SLC37A3: variants seen among roughly 807,000 people sequenced by gnomAD.
SLC37A3 encodes the protein solute carrier family 37 member 3.
A neutral mutation model predicts 67.1 loss-of-function variants in SLC37A3; 51 were observed. The observed-to-expected ratio is 0.76, with a 90% CI of 0.61 to 0.96. The LOEUF is 0.96. Ranked by LOEUF, SLC37A3 falls within the 40% of genes least tolerant of loss-of-function variation. The probability of loss-of-function intolerance (pLI) is 0.00; values close to 1 mark genes in which losing one functional copy is unlikely to be tolerated. For missense variants in SLC37A3, 508 were observed against 603.0 expected, an observed-to-expected ratio of 0.84 and a Z score of 1.65; for synonymous variants, 214 against 231.4, an observed-to-expected ratio of 0.92 and a Z score of 0.68.
At chr7:140,350,795 G>C (rs1796761970) in intron 9 of SLC37A3, among the ~76,000 whole-genome samples, 1 of 152,110 alleles carries the variant, frequency 6.6e-6, no homozygotes, top group African/African-American at 2.4e-5. Context: ...AAAAATAAAA[G>C]GGGGCAAGGC....
At position 140,395,879 on chromosome 7, in the gene SLC37A3, T is replaced by C. The variant is rs11981320; in HGVS notation, c.-71+2537A>G. Among the ~76,000 whole-genome samples the C allele has an allele frequency of 5.3e-3, 810 of 152,302 alleles. 14 individuals are homozygous for C. The highest frequency in any genetic ancestry group is 0.019 in the African/African-American group (779 of 41,562). ...CCTCCCAGACTTCAGTTTTTATGTC[T>C]GCACAGTAAAAAGATTATGTGTTTT... On this transcript the variant is annotated intron_variant, in intron 1 of 14. Transcript: ENST00000326232.
chr7:140,352,504 G>A (rs1471363632), intron 7 of SLC37A3, among the ~76,000 whole-genome samples: 2 of 152,174 alleles, frequency 1.3e-5, no homozygotes, highest in Admixed American at 1.3e-4. Flanking sequence ...ATTACATACA[G>A]TTGAGGGGAT....
At chr7:140,337,189 G>A in intron 14 of SLC37A3, 95 bp downstream of exon 14, 7 of 808,316 alleles carry the variant, frequency 8.7e-6, no homozygotes, top group Admixed American at 3.6e-5. Context: ...GCCTTTAAAA[G>A]CAATCAACAG....
chr7:140,376,170 T>G (rs546939884), intron 3 of SLC37A3, among the ~76,000 whole-genome samples: 1 of 152,264 alleles, frequency 6.6e-6, no homozygotes, highest in Middle Eastern at 3.4e-3. Context: ...CAGAATTCAG[T>G]TGAAATACAC....
intron 1 of SLC37A3, among the ~76,000 whole-genome samples, chr7:140,389,039 T>C (rs1029644313): frequency 4.6e-5 from 7 of 152,180 alleles, no homozygotes; most frequent in Non-Finnish European, 1.0e-4. Context: ...AGCTTGCTTT[T>C]AACCCTTAAG....
At chr7:140,361,178 C>T (rs183774003) in intron 5 of SLC37A3, among the ~76,000 whole-genome samples, 4 of 133,040 alleles carry the variant, frequency 3.0e-5, no homozygotes, top group Admixed American at 7.6e-5. Context: ...ACAAAAGCAC[C>T]GAGATAGAAA....
intron 1 of SLC37A3, among the ~76,000 whole-genome samples, chr7:140,394,248 A>G (rs1347977805): frequency 1.3e-5 from 2 of 152,086 alleles, no homozygotes; most frequent in African/African-American, 2.4e-5. Flanking sequence ...AGTACTAGGC[A>G]CCATGCTAGG....
chr7:140,337,193 T>C, intron 14 of SLC37A3, 91 bp downstream of exon 14: 1 of 852,624 alleles, frequency 1.2e-6, no homozygotes, highest in Non-Finnish European at 1.7e-6. Flanking sequence ...TTAAAAGCAA[T>C]CAACAGTTTT....
chr7:140,346,751 G>A (rs550253154), intron 10 of SLC37A3, among the ~76,000 whole-genome samples: 6 of 151,698 alleles, frequency 4.0e-5, no homozygotes, highest in East Asian at 3.9e-4. Context: ...TAAATTAGCC[G>A]GGCATGGTAG....
chr7:140,335,483 T>C lies in SLC37A3; in HGVS notation c.1414A>G (p.Ile472Val). 1 of 1,614,044 alleles carries C rather than the reference T, an allele frequency of 6.2e-7. No individual in the cohort carries two copies. Among genetic ancestry groups the C allele is most frequent in the Non-Finnish European group, 8.5e-7 (1 of 1,180,034 alleles). ...ATTTCCCTCACTATTAATGGCGAGATAAACACAATTGTACAACTTGTCTGT... is the reference window on the plus strand; with the variant it reads ...ATTTCCCTCACTATTAATGGCGAGACAAACACAATTGTACAACTTGTCTGT... ...ILMTSCTIVF[I>V]SPLIVREIFS... Residue 472 changes from isoleucine (I) to valine (V), a missense_variant, in exon 15 of 15, where the codon ATC (isoleucine) becomes GTC (valine). Physicochemically the swap from Ile to Val is conservative, Grantham distance 29. Coordinates refer to ENST00000326232, the MANE Select transcript of SLC37A3 (RefSeq NM_207113.3).
chr7:140,370,098 G>A (rs1797761508), intron 3 of SLC37A3, among the ~76,000 whole-genome samples: 3 of 150,738 alleles, frequency 2.0e-5, no homozygotes, highest in South Asian at 4.2e-4. Context: ...CAACAAGAGC[G>A]AAACTCCGTC....
intron 5 of SLC37A3, among the ~76,000 whole-genome samples, chr7:140,364,178 G>T (rs560665601): frequency 1.2e-4 from 18 of 151,880 alleles, no homozygotes; most frequent in Non-Finnish European, 2.5e-4. Flanking sequence ...TTGAACATGG[G>T]AGGCAGAGGT....
intron 5 of SLC37A3, among the ~76,000 whole-genome samples, chr7:140,359,692 C>T (rs1797186903): frequency 6.6e-6 from 1 of 152,162 alleles, no homozygotes; most frequent in Non-Finnish European, 1.5e-5. Context: ...TCTGAGAATA[C>T]TCTGCATGAT....
rs1232727340 is a variant in SLC37A3, at chr7:140,358,864, C to A, written c.376-79G>T. The A allele has an allele frequency of 2.6e-6, 4 of 1,553,382 alleles. No individual in the cohort carries two copies. The African/African-American group carries it at 5.4e-5, about 21-fold the overall frequency. On this transcript the variant is annotated intron_variant, in intron 5 of 14. Coordinates refer to ENST00000326232, the MANE Select transcript of SLC37A3 (RefSeq NM_207113.3). ...TGGACGCCACTCTACCCACTTGCTTCAGAGTAGAGACCACGTGAAGGATAC... is the reference window on the plus strand; with the variant it reads ...TGGACGCCACTCTACCCACTTGCTTAAGAGTAGAGACCACGTGAAGGATAC...
At chr7:140,392,027 C>T (rs1242814053) in intron 1 of SLC37A3, among the ~76,000 whole-genome samples, 1 of 152,186 alleles carries the variant, frequency 6.6e-6, no homozygotes, top group East Asian at 1.9e-4. Flanking sequence ...ACTGCCTACA[C>T]CACCAGCCCA....
chr7:140,352,802 A>G (rs77799134), intron 7 of SLC37A3, among the ~76,000 whole-genome samples: 1,674 of 152,286 alleles, frequency 0.011, 106 homozygotes, highest in Admixed American at 0.097. Context: ...TGGAAAGGTG[A>G]CAGCTAGATT....
intron 1 of SLC37A3, among the ~76,000 whole-genome samples, chr7:140,389,546 T>C (rs923132159): frequency 6.6e-6 from 1 of 152,140 alleles, no homozygotes; most frequent in African/African-American, 2.4e-5. Flanking sequence ...TGAGTAATAA[T>C]AAAACTCCCA....
chr7:140,366,146 T>C (rs942629675), intron 4 of SLC37A3, among the ~76,000 whole-genome samples: 1 of 151,894 alleles, frequency 6.6e-6, no homozygotes, highest in African/African-American at 2.4e-5. Flanking sequence ...TCTTGAAGTA[T>C]TGGCCTCAAG....
At chr7:140,351,685 A>G (rs1796808628) in intron 8 of SLC37A3, 5 of 575,910 alleles carry the variant, frequency 8.7e-6, no homozygotes, top group Non-Finnish European at 3.1e-6. Flanking sequence ...ATTTGTATGT[A>G]ATCTGTATTT....
Sources: allele counts gnomAD v4.1 joint callset (sites outside exome capture counted in the v4.1 genomes callset), GRCh38; gene constraint gnomAD v4.1.1; transcripts MANE v1.5; gene names NCBI Gene and HGNC (gene_info 2026-07-23, HGNC 2026-07-21).